IFT122: variants seen among roughly 807,000 people sequenced by gnomAD.
IFT122 encodes the protein intraflagellar transport protein 122 homolog.
IFT122 carries 118 observed loss-of-function variants against 161.6 expected under a neutral mutation model. The ratio of observed to expected loss-of-function variants is 0.73; its 90% CI spans 0.63 to 0.85. IFT122 has a LOEUF of 0.85. Among genes scored for constraint, IFT122 ranks in the 40% least tolerant of loss-of-function variants. IFT122 has a pLI of 0.00. For synonymous variants in IFT122, 550 were observed against 602.4 expected (o/e 0.91, Z 1.27); for missense variants, 1,381 against 1,579.6 (o/e 0.87, Z 2.13).
At position 129,464,757 on chromosome 3, in the gene IFT122, G is replaced by A. The variant is rs953394012; in HGVS notation, c.539G>A (p.Trp180Ter). 1.9e-6 allele frequency: 3 copies of A among 1,614,048 alleles called. No homozygotes were observed. Among genetic ancestry groups the A allele is most frequent in the South Asian group, 1.1e-5 (1 of 91,082 alleles). Residue 180 changes from tryptophan to a stop codon, truncating the protein, a stop_gained, in exon 7 of 30, where the codon TGG (tryptophan) becomes TAG (stop). Coordinates refer to ENST00000348417, the MANE Select transcript of IFT122 (RefSeq NM_052989.3). LOFTEE classifies it high-confidence loss of function. ...ERPGGSLSPI[W>*]SICWNPSSRW... The stretch of plus-strand genomic sequence containing the variant: ...CCGGGGGGCTCCCTCTCGCCAATAT[G>A]GTCCATCTGCTGGAACCCTTCAAGG...
rs777051654 is a variant in IFT122, at chr3:129,488,289, A to T, written c.1884A>T (p.Lys628Asn). 36 of 1,614,060 alleles carry T rather than the reference A, an allele frequency of 2.2e-5. No homozygotes were observed. The East Asian group carries it at 8.0e-4, about 36-fold the overall frequency. ...SAPMYQYLDR[K>N]LFKEAYQIAC... ...CCATGTACCAGTACCTGGATAGGAA[A>T]CTGTTCAAGGAAGCCTACCAGATTG... The change falls in exon 16 of 30, where the codon AAA (lysine) becomes AAT (asparagine). Residue 628 changes from lysine to asparagine, a missense_variant. By Grantham distance (94) the Lys-to-Asn change is moderately conservative. Transcript: ENST00000348417.
chr3:129,514,979 C>T (rs1015093749), intron 25 of IFT122: 4 of 366,584 alleles, frequency 1.1e-5, no homozygotes, highest in Non-Finnish European at 2.1e-5. Flanking sequence ...TCCTTCAACC[C>T]AGCCAGCTTC....
intron 3 of IFT122, 22 bp from the exon 4 acceptor site, chr3:129,458,577 T>A: frequency 6.2e-7 from 1 of 1,602,810 alleles, no homozygotes; most frequent in South Asian, 1.1e-5. Flanking sequence ...TGTAAGACTT[T>A]CCATTTTACA....
chr3:129,449,802 C>A, intron 1 of IFT122, 69 bp from the exon 2 acceptor site: 1 of 1,051,830 alleles, frequency 9.5e-7, no homozygotes, highest in Non-Finnish European at 1.5e-6. Context: ...ATAAAGTTTA[C>A]TTTCCTGGCC....
intron 8 of IFT122, among the ~76,000 whole-genome samples, chr3:129,467,652 G>T (rs1265381612): frequency 6.6e-6 from 1 of 152,168 alleles, no homozygotes; most frequent in Non-Finnish European, 1.5e-5. Flanking sequence ...CCAAATCCTG[G>T]CTGTCTAGTC....
At chr3:129,494,684 A>AGTGTG (rs1363038087) in intron 17 of IFT122, among the ~76,000 whole-genome samples, 70 of 99,652 alleles carry the variant, frequency 7.0e-4, no homozygotes, top group African/African-American at 2.8e-3. Context: ...TAGCTGTGCT[A>AGTGTG]AGTGTGTGTG....
At chr3:129,492,578 T>C (rs970306532) in intron 17 of IFT122, among the ~76,000 whole-genome samples, 4 of 152,086 alleles carry the variant, frequency 2.6e-5, no homozygotes, top group South Asian at 2.1e-4. Context: ...TCTGATAGTG[T>C]TGGAGGAGTT....
intron 1 of IFT122, among the ~76,000 whole-genome samples, chr3:129,443,506 G>A (rs1437718130): frequency 3.9e-5 from 6 of 152,238 alleles, no homozygotes; most frequent in Non-Finnish European, 8.8e-5. Flanking sequence ...TTCTTGCCCT[G>A]ATGGGCCAGA....
At chr3:129,490,330 C>CTT (rs2079916407) in intron 16 of IFT122, among the ~76,000 whole-genome samples, 1 of 152,164 alleles carries the variant, frequency 6.6e-6, no homozygotes, top group Non-Finnish European at 1.5e-5. Context: ...GGCTCACCAG[C>CTT]TTGGATATAG....
chr3:129,491,685 G>A (rs1237188165), intron 16 of IFT122, among the ~76,000 whole-genome samples: 2 of 152,074 alleles, frequency 1.3e-5, no homozygotes, highest in African/African-American at 4.8e-5. Flanking sequence ...CTGTGTCTGT[G>A]GCACCACTGG....
chr3:129,505,134 C>A lies in IFT122; in HGVS notation c.2650+713C>A, dbSNP rs796751357. Among the ~76,000 whole-genome samples, 7 of 152,194 alleles carry A rather than the reference C, an allele frequency of 4.6e-5. No individual in the cohort carries two copies. The East Asian group carries it at 1.2e-3, about 25-fold the overall frequency. On this transcript the variant is annotated intron_variant, in intron 21 of 29. Coordinates refer to ENST00000348417, the MANE Select transcript of IFT122 (RefSeq NM_052989.3). Reference sequence around the variant, plus strand: ...CTGGCTGAGCACTTAACCTATGTAACCTTGAATCTTGCCAACAGCTGTGCA... The same window carrying A: ...CTGGCTGAGCACTTAACCTATGTAAACTTGAATCTTGCCAACAGCTGTGCA...
chr3:129,479,255 C>CAAAA (rs547629384), intron 12 of IFT122, among the ~76,000 whole-genome samples: 69 of 81,392 alleles, frequency 8.5e-4, no homozygotes, highest in African/African-American at 2.8e-3. Context: ...CCATCTCCAC[C>CAAAA]AAAAAAAAAA....
At chr3:129,498,335 C>G (rs534658202) in intron 18 of IFT122, among the ~76,000 whole-genome samples, 5 of 152,364 alleles carry the variant, frequency 3.3e-5, no homozygotes, top group African/African-American at 1.2e-4. Flanking sequence ...CTGTTTTCCT[C>G]CAGCTGCCAC....
chr3:129,460,814 T>C (rs763456289), intron 4 of IFT122: 3 of 1,548,412 alleles, frequency 1.9e-6, no homozygotes, highest in Non-Finnish European at 1.8e-6. Context: ...CATGATTTGC[T>C]CAGCTTTCAT....
Position 129,449,853 on chromosome 3 carries a change from C to T in IFT122, c.42-18C>T, listed in dbSNP as rs764788910. ...CATTTTGGTTCCTAATTGTCTTTTT[C>T]CCTTGTCTTCTGTTCAGTATAAATG... On this transcript the variant is annotated intron_variant, in intron 1 of 29. Transcript: ENST00000348417. 3.4e-5 allele frequency: 54 copies of T among 1,598,710 alleles called. No individual in the cohort carries two copies. Among genetic ancestry groups the T allele is most frequent in the Non-Finnish European group, 4.4e-5 (51 of 1,166,094 alleles).
At chr3:129,448,314 T>C (rs1367570373) in intron 1 of IFT122, among the ~76,000 whole-genome samples, 1 of 152,038 alleles carries the variant, frequency 6.6e-6, no homozygotes, top group Non-Finnish European at 1.5e-5. Context: ...CTCGAAAAAA[T>C]GAGTTGCCAC....
chr3:129,489,777 TGCAG>T (rs1328095151), intron 16 of IFT122, among the ~76,000 whole-genome samples: 50 of 146,920 alleles, frequency 3.4e-4, no homozygotes, highest in African/African-American at 1.2e-3. Context: ...AGGCGGAGCG[TGCAG>T]TGAGCCGAGA....
At chr3:129,473,460 C>G (rs1035975467) in intron 9 of IFT122, among the ~76,000 whole-genome samples, 1 of 152,182 alleles carries the variant, frequency 6.6e-6, no homozygotes, top group Non-Finnish European at 1.5e-5. Flanking sequence ...TCATATCCAT[C>G]ATGTTCCTCT....
chr3:129,504,727 G>A (rs1249022221), intron 21 of IFT122, among the ~76,000 whole-genome samples: 3 of 152,124 alleles, frequency 2.0e-5, no homozygotes, highest in South Asian at 2.1e-4. Flanking sequence ...TTTAATCCTC[G>A]CAACAGCCCT....
Sources: allele counts gnomAD v4.1 joint callset (sites outside exome capture counted in the v4.1 genomes callset), GRCh38; gene constraint gnomAD v4.1.1; transcripts MANE v1.5; gene names NCBI Gene and HGNC (gene_info 2026-07-23, HGNC 2026-07-21).